Variants in SLC13A1 observed in about 807,000 individuals in gnomAD.
SLC13A1 encodes solute carrier family 13 member 1, also known as Na(+)/sulfate cotransporter.
In SLC13A1, 65 loss-of-function variants were observed where a neutral mutation model predicts 70.0. The observed-to-expected ratio is 0.93, with a 90% CI of 0.76 to 1.14. The LOEUF (loss-of-function observed/expected upper bound fraction) is 1.14. Among genes scored for constraint, SLC13A1 ranks in the 50% most tolerant of loss-of-function variants. SLC13A1 has a pLI of 0.00. For synonymous variants in SLC13A1, 275 were observed against 250.5 expected (o/e 1.10, Z -0.92); for missense variants, 726 against 717.8 (o/e 1.01, Z -0.13).
At chr7:123,141,248 C>A (rs1563327349) in intron 7 of SLC13A1, among the ~76,000 whole-genome samples, 1 of 151,950 alleles carries the variant, frequency 6.6e-6, no homozygotes, top group Non-Finnish European at 1.5e-5. Flanking sequence ...TGATTATTAG[C>A]TTTATTCTAT....
chr7:123,173,212 A>G (rs1795331261), intron 2 of SLC13A1, among the ~76,000 whole-genome samples: 1 of 152,188 alleles, frequency 6.6e-6, no homozygotes, highest in African/African-American at 2.4e-5. Context: ...ATTTTGCTAT[A>G]TTAAATTATA....
chr7:123,121,572 A>G lies in SLC13A1; in HGVS notation c.1350+1554T>C, dbSNP rs138017685. Among the ~76,000 whole-genome samples the G allele has an allele frequency of 5.2e-3, 792 of 152,232 alleles. 5 individuals are homozygous for G. The highest frequency in any genetic ancestry group is 0.027 in the Middle Eastern group (8 of 294). Reference sequence around the variant, plus strand: ...AATGGATATCTGAAATAAAAAATAAATCCTGCATGTTTAACCTAGGAGAGA... The same window carrying G: ...AATGGATATCTGAAATAAAAAATAAGTCCTGCATGTTTAACCTAGGAGAGA... On this transcript the variant is annotated intron_variant, in intron 12 of 14. Transcript: ENST00000194130.
intron 6 of SLC13A1, among the ~76,000 whole-genome samples, chr7:123,149,986 A>G (rs1391014333): frequency 2.6e-5 from 4 of 152,110 alleles, no homozygotes; most frequent in Admixed American, 2.6e-4. Context: ...TGATTTATAA[A>G]CCCAACCATT....
chr7:123,182,739 T>C (rs928908757), intron 1 of SLC13A1, among the ~76,000 whole-genome samples: 1 of 152,186 alleles, frequency 6.6e-6, no homozygotes, highest in African/African-American at 2.4e-5. Context: ...AGAGTCATAG[T>C]CCACTAAGAT....
At chr7:123,127,348 C>CTG (rs1793595092) in intron 10 of SLC13A1, among the ~76,000 whole-genome samples, 1 of 152,022 alleles carries the variant, frequency 6.6e-6, no homozygotes, top group Non-Finnish European at 1.5e-5. Context: ...AAATTGGAAG[C>CTG]TGATTATATT....
intron 2 of SLC13A1, among the ~76,000 whole-genome samples, chr7:123,173,540 A>T (rs1357605373): frequency 6.6e-6 from 1 of 151,152 alleles, no homozygotes; most frequent in Non-Finnish European, 1.5e-5. Context: ...GCACCTCTTC[A>T]ATTCTCAAAT....
chr7:123,183,019 G>A (rs1307707062), intron 1 of SLC13A1, among the ~76,000 whole-genome samples: 1 of 151,956 alleles, frequency 6.6e-6, no homozygotes, highest in East Asian at 1.9e-4. Flanking sequence ...TGATATTTGA[G>A]TTCTGATCCT....
At chr7:123,148,143 T>A (rs1409882369) in intron 6 of SLC13A1, among the ~76,000 whole-genome samples, 1 of 152,156 alleles carries the variant, frequency 6.6e-6, no homozygotes, top group African/African-American at 2.4e-5. Context: ...CCATTTTTTT[T>A]AAGGATCATG....
chr7:123,148,525 T>C (rs1420141318), intron 6 of SLC13A1: 2 of 453,816 alleles, frequency 4.4e-6, no homozygotes, highest in African/African-American at 2.0e-5. Flanking sequence ...ATTCTTTTTC[T>C]CACCCATGAC....
intron 7 of SLC13A1, among the ~76,000 whole-genome samples, chr7:123,146,363 A>T (rs1794350551): frequency 6.6e-6 from 1 of 152,124 alleles, no homozygotes; most frequent in Non-Finnish European, 1.5e-5. Flanking sequence ...CGTGTCTACT[A>T]AAAGTACAAA....
At chr7:123,164,905 T>A (rs1194097419) in intron 6 of SLC13A1, among the ~76,000 whole-genome samples, 1 of 90,400 alleles carries the variant, frequency 1.1e-5, no homozygotes, top group African/African-American at 3.9e-5. Flanking sequence ...AATATTTGTA[T>A]TTTTTTTTTG....
chr7:123,158,210 T>A (rs1020922563), intron 6 of SLC13A1, among the ~76,000 whole-genome samples: 1 of 151,964 alleles, frequency 6.6e-6, no homozygotes, highest in Non-Finnish European at 1.5e-5. Flanking sequence ...TCAGAGGTGT[T>A]GGACACAGAC....
chr7:123,169,398 A>G, intron 3 of SLC13A1, 63 bp from the exon 4 acceptor site: 2 of 1,433,624 alleles, frequency 1.4e-6, no homozygotes, highest in East Asian at 4.6e-5. Context: ...CGTATTATTT[A>G]ACTGGAAGAT....
In SLC13A1 at chr7:123,129,620, C is replaced by T. The variant is rs1793688142; in HGVS notation, c.933-139G>A. ...GCAATATGAATCTCCCCGTTAATAA[C>T]AGATATCTGTGCTTTTCACCTCTAC... On this transcript the variant is annotated intron_variant, in intron 8 of 14. Transcript: ENST00000194130. 5 of 635,844 alleles carry T rather than the reference C, an allele frequency of 7.9e-6. No individual in the cohort carries two copies. The East Asian group carries it at 1.5e-4, about 19-fold the overall frequency. The allele number at this position is 635,844 out of a possible 1,614,324, so 39.4% of individuals were successfully genotyped here.
At chr7:123,160,297 C>T (rs1794847549) in intron 6 of SLC13A1, among the ~76,000 whole-genome samples, 1 of 150,420 alleles carries the variant, frequency 6.6e-6, no homozygotes, top group African/African-American at 2.4e-5. Flanking sequence ...AGCTGGTCGT[C>T]CTGTATTATC....
At chr7:123,157,501 CT>C (rs1281782375) in intron 6 of SLC13A1, among the ~76,000 whole-genome samples, 1 of 151,950 alleles carries the variant, frequency 6.6e-6, no homozygotes, top group African/African-American at 2.4e-5. Context: ...CCAATATTTA[CT>C]TAAAAAATTT....
Position 123,115,384 on chromosome 7 carries a change from T to G in SLC13A1, c.*134A>C. ...CTGAGTTATAACAGCAGGTTTCGGGTATTCACAGGAATTGCAGCAGCTACA... is the reference window on the plus strand; with the variant it reads ...CTGAGTTATAACAGCAGGTTTCGGGGATTCACAGGAATTGCAGCAGCTACA... On this transcript the variant is annotated 3_prime_UTR_variant, in exon 15 of 15. Coordinates refer to ENST00000194130, the MANE Select transcript of SLC13A1 (RefSeq NM_022444.4). 1 of 835,568 alleles carries G rather than the reference T, an allele frequency of 1.2e-6. No individual in the cohort carries two copies. Among genetic ancestry groups the G allele is most frequent in the Non-Finnish European group, 1.8e-6 (1 of 543,802 alleles). 51.8% of individuals were successfully genotyped at this position (835,568 alleles called of 1,614,324 possible). A position where few individuals can be genotyped will look rare whatever the true frequency, so the allele number is the denominator to read the frequency against.
intron 1 of SLC13A1, among the ~76,000 whole-genome samples, chr7:123,187,961 A>G (rs1244485166): frequency 6.6e-6 from 1 of 152,150 alleles, no homozygotes. Context: ...CAGAACTTCA[A>G]ACGGGAAGGA....
intron 8 of SLC13A1, among the ~76,000 whole-genome samples, chr7:123,131,486 T>A (rs12706493): frequency 0.24 from 35,838 of 151,944 alleles, 4,799 homozygotes; most frequent in East Asian, 0.37. Flanking sequence ...TTCACAAAGC[T>A]ACTGACAAAG....
Sources: gnomAD v4.1 joint callset for allele counts (sites outside exome capture counted in the v4.1 genomes callset) on GRCh38, gnomAD v4.1.1 for gene constraint, MANE v1.5 for transcripts, NCBI Gene and HGNC (gene_info 2026-07-23, HGNC 2026-07-21) for gene names.